Variants in ZNF736 observed in about 807,000 individuals in gnomAD.
The protein encoded by ZNF736 is KRAB-containing zinc-finger repressor protein.
In ZNF736, 6 loss-of-function variants were observed where a neutral mutation model predicts 11.7. The observed-to-expected ratio is 0.51, with a 90% CI of 0.28 to 1.01. The LOEUF is 1.01. Among genes scored for constraint, ZNF736 ranks in the 50% least tolerant of loss-of-function variants. The probability of loss-of-function intolerance (pLI) is 0.09; values close to 1 mark genes in which losing one functional copy is unlikely to be tolerated. For missense variants in ZNF736, 444 were observed against 496.0 expected, an observed-to-expected ratio of 0.90 and a Z score of 1.00; for synonymous variants, 139 against 164.7, an observed-to-expected ratio of 0.84 and a Z score of 1.19.
intron 1 of ZNF736, among the ~76,000 whole-genome samples, chr7:64,322,636 A>G (rs1789017817): frequency 6.6e-6 from 1 of 152,194 alleles, no homozygotes; most frequent in African/African-American, 2.4e-5. Flanking sequence ...TATTCTCACA[A>G]TTAAAAAGTC....
At chr7:64,326,685 CACTT>C (rs1789087278) in intron 1 of ZNF736, among the ~76,000 whole-genome samples, 2 of 151,508 alleles carry the variant, frequency 1.3e-5, no homozygotes, top group Non-Finnish European at 2.9e-5. Context: ...TTGATGTAGG[CACTT>C]ACTGCTATAA....
chr7:64,330,123 C>T lies in ZNF736; in HGVS notation c.4-6136C>T, dbSNP rs1394980801. Among the ~76,000 whole-genome samples, 4 of 151,920 alleles carry T rather than the reference C, an allele frequency of 2.6e-5. No individual in the cohort carries two copies. The East Asian group carries it at 7.8e-4, about 29-fold the overall frequency. On this transcript the variant is annotated intron_variant, in intron 1 of 3. Coordinates refer to ENST00000423484, the MANE Select transcript of ZNF736 (RefSeq NM_001170905.3). ...TCGGTCAGCTTGTGGTGAACTCTGC[C>T]AGGCCTGCTTCTTTTGCTTCAGGGA...
chr7:64,322,885 G>A (rs1221632326), intron 1 of ZNF736, among the ~76,000 whole-genome samples: 1 of 152,130 alleles, frequency 6.6e-6, no homozygotes, highest in Admixed American at 6.6e-5. Flanking sequence ...TATAAAAAAT[G>A]TATGTCTTTC....
At chr7:64,317,331 A>G (rs1788931798) in intron 1 of ZNF736, among the ~76,000 whole-genome samples, 2 of 152,196 alleles carry the variant, frequency 1.3e-5, no homozygotes, top group South Asian at 4.1e-4. Context: ...GGGAGGTGAC[A>G]CCTCACCAAG....
chr7:64,328,190 A>G (rs1230722191), intron 1 of ZNF736, among the ~76,000 whole-genome samples: 1 of 149,538 alleles, frequency 6.7e-6, no homozygotes. Context: ...TGCCTTTAGC[A>G]TTTTTTGTGG....
At chr7:64,317,715 A>G (rs541910192) in intron 1 of ZNF736, among the ~76,000 whole-genome samples, 44 of 152,094 alleles carry the variant, frequency 2.9e-4, no homozygotes, top group Non-Finnish European at 5.4e-4. Context: ...TTCAATCTCA[A>G]TCAGCTTTGA....
intron 1 of ZNF736, among the ~76,000 whole-genome samples, chr7:64,332,007 G>A (rs1407512594): frequency 1.3e-5 from 2 of 152,172 alleles, no homozygotes. Flanking sequence ...GGTTTCAGGG[G>A]AGGGAGTTTT....
intron 1 of ZNF736, among the ~76,000 whole-genome samples, chr7:64,323,611 G>A (rs1230943431): frequency 2.0e-5 from 3 of 152,110 alleles, no homozygotes; most frequent in Non-Finnish European, 2.9e-5. Context: ...GCTGGAAGCC[G>A]CTATTCTCAG....
chr7:64,341,057 T>C (rs1789330465), intron 3 of ZNF736, among the ~76,000 whole-genome samples: 1 of 152,058 alleles, frequency 6.6e-6, no homozygotes, highest in African/African-American at 2.4e-5. Context: ...TTTTCATGAC[T>C]CAATGTTTAT....
At chr7:64,339,635 C>A (rs1308503924) in intron 3 of ZNF736, among the ~76,000 whole-genome samples, 1 of 150,960 alleles carries the variant, frequency 6.6e-6, no homozygotes. Context: ...TCCTGCTCCA[C>A]TGATATCGGT....
Position 64,349,306 on chromosome 7 carries a change from G to A in ZNF736, c.*159G>A, listed in dbSNP as rs1213201216. ...TATAATCTGGTTGCTTATATGTTGGGTACATATATAGCCCTTTGCTATTAT... is the reference window on the plus strand; with the variant it reads ...TATAATCTGGTTGCTTATATGTTGGATACATATATAGCCCTTTGCTATTAT... On this transcript the variant is annotated 3_prime_UTR_variant, in exon 4 of 4. Transcript: ENST00000423484. 3 of 630,636 alleles carry A rather than the reference G, an allele frequency of 4.8e-6. No individual in the cohort carries two copies. Among genetic ancestry groups the A allele is most frequent in the East Asian group, 2.8e-5 (1 of 35,834 alleles). 39.1% of individuals were successfully genotyped at this position (630,636 alleles called of 1,614,324 possible).
chr7:64,351,398 T>C lies in ZNF736; in HGVS notation c.*2251T>C, dbSNP rs189611139. On this transcript the variant is annotated 3_prime_UTR_variant, in exon 4 of 4. Coordinates refer to ENST00000423484, the MANE Select transcript of ZNF736 (RefSeq NM_001170905.3). ...GGGAAGCTGCAGTATGGGGAAGAAATGTGGGCTGGTGCAGTCATAGGGGCT... is the reference window on the plus strand; with the variant it reads ...GGGAAGCTGCAGTATGGGGAAGAAACGTGGGCTGGTGCAGTCATAGGGGCT... 9 of 152,334 alleles carry C rather than the reference T, an allele frequency of 5.9e-5. No individual in the cohort carries two copies. Among genetic ancestry groups the C allele is most frequent in the African/African-American group, 1.9e-4 (8 of 41,502 alleles). The allele number at this position is 152,334 out of a possible 1,614,324, so 9.4% of individuals were successfully genotyped here.
chr7:64,316,863 G>A (rs1017097442), intron 1 of ZNF736, among the ~76,000 whole-genome samples: 4 of 152,032 alleles, frequency 2.6e-5, no homozygotes, highest in Non-Finnish European at 5.9e-5. Flanking sequence ...AAGATTCCGC[G>A]TCTGTTCTAT....
intron 1 of ZNF736, among the ~76,000 whole-genome samples, chr7:64,315,868 T>C (rs1005623859): frequency 2.0e-5 from 3 of 152,222 alleles, no homozygotes; most frequent in Non-Finnish European, 4.4e-5. Flanking sequence ...TTAAAACGGA[T>C]GTGGCATTTT....
intron 1 of ZNF736, among the ~76,000 whole-genome samples, chr7:64,330,726 G>A (rs185689375): frequency 8.6e-4 from 131 of 152,292 alleles, no homozygotes; most frequent in African/African-American, 3.0e-3. Context: ...TACTGCTGAT[G>A]TTTATTCAAG....
At chr7:64,333,335 G>A (rs1789198114) in intron 1 of ZNF736, among the ~76,000 whole-genome samples, 1 of 152,072 alleles carries the variant, frequency 6.6e-6, no homozygotes, top group African/African-American at 2.4e-5. Flanking sequence ...CTACGTCCCA[G>A]CTTTTAATAA....
rs1419213496 is a variant in ZNF736, at chr7:64,352,951, C to T, written c.*3804C>T. On this transcript the variant is annotated 3_prime_UTR_variant, in exon 4 of 4. Coordinates refer to ENST00000423484, the MANE Select transcript of ZNF736 (RefSeq NM_001170905.3). ...GTCCTACAGACCATCACTATCAGCC[C>T]CCTGGATTCTGCCTCTTTCCTATGG... 1.3e-5 allele frequency: 2 copies of T among 152,220 alleles called. No homozygotes were observed. The highest frequency in any genetic ancestry group is 4.8e-5 in the African/African-American group (2 of 41,436). 9.4% of individuals were successfully genotyped at this position (152,220 alleles called of 1,614,324 possible).
At chr7:64,345,179 G>A (rs1304569103) in intron 3 of ZNF736, among the ~76,000 whole-genome samples, 3 of 151,110 alleles carry the variant, frequency 2.0e-5, no homozygotes, top group East Asian at 2.0e-4. Context: ...GCTCGCCACC[G>A]CGCCTGGCTA....
chr7:64,345,310 C>G (rs1789394946), intron 3 of ZNF736, among the ~76,000 whole-genome samples: 1 of 151,804 alleles, frequency 6.6e-6, no homozygotes, highest in African/African-American at 2.4e-5. Context: ...GCGTGAACCA[C>G]TGTGCCCGGC....
Sources: allele counts gnomAD v4.1 joint callset (sites outside exome capture counted in the v4.1 genomes callset), GRCh38; gene constraint gnomAD v4.1.1; transcripts MANE v1.5; gene names NCBI Gene and HGNC (gene_info 2026-07-23, HGNC 2026-07-21).